Variants in KRT73 observed in about 807,000 individuals in gnomAD.
KRT73 encodes keratin 73.
A neutral mutation model predicts 47.2 loss-of-function variants in KRT73; 44 were observed. The ratio of observed to expected loss-of-function variants is 0.93; its 90% confidence interval spans 0.73 to 1.20. The LOEUF (loss-of-function observed/expected upper bound fraction) is 1.20. Among genes scored for constraint, KRT73 ranks in the 50% most tolerant of loss-of-function variants. The pLI, the probability that KRT73 is intolerant of heterozygous loss-of-function variation, is 0.00. For missense variants in KRT73, 713 were observed against 704.5 expected, an observed-to-expected ratio of 1.01 and a Z score of -0.14; for synonymous variants, 285 against 291.3, an observed-to-expected ratio of 0.98 and a Z score of 0.22.
the KRT73 span, among the ~76,000 whole-genome samples, chr12:52,629,501 G>A: frequency 5.9e-5 from 9 of 152,220 alleles, 1 homozygote; most frequent in African/African-American, 1.9e-4. Context: ...CGGACAAATA[G>A]TGACCTGCCC....
intron 2 of KRT73, among the ~76,000 whole-genome samples, chr12:52,615,778 G>C (rs137916156): frequency 6.6e-6 from 1 of 152,152 alleles, no homozygotes; most frequent in African/African-American, 2.4e-5. Context: ...GTCCAGGACC[G>C]AAAGGCAATG....
upstream of KRT73, among the ~76,000 whole-genome samples, chr12:52,622,226 T>C (rs187540659): frequency 3.2e-4 from 49 of 152,274 alleles, no homozygotes; most frequent in African/African-American, 1.0e-3. Flanking sequence ...ATAAACATGC[T>C]TAAATGAACA....
upstream of KRT73, among the ~76,000 whole-genome samples, chr12:52,619,642 G>A (rs1380633113): frequency 6.6e-6 from 1 of 152,144 alleles, no homozygotes; most frequent in African/African-American, 2.4e-5. Context: ...TTCTCTTGAG[G>A]GCTGACTCTC....
In KRT73 at chr12:52,615,278, CCTT is replaced by C. The variant is rs1266541952; in HGVS notation, c.721_723del (p.Lys241del). The C allele has an allele frequency of 1.2e-6, 2 of 1,613,568 alleles. No individual in the cohort carries two copies. The highest frequency in any genetic ancestry group is 1.7e-6 in the Non-Finnish European group (2 of 1,179,564). ...GAAGGGAACCCATGCACCCTCCTCACCTTCTTAAGCACCACAAATTCATTCTCA... is the reference window on the plus strand; with the variant it reads ...GAAGGGAACCCATGCACCCTCCTCACCTTAAGCACCACAAATTCATTCTCA... On this transcript the variant is annotated inframe_deletion and splice_region_variant, in exon 3 of 9. Transcript: ENST00000305748.
chr12:52,624,118 G>A, the KRT73 span, among the ~76,000 whole-genome samples: 1 of 151,924 alleles, frequency 6.6e-6, no homozygotes, highest in African/African-American at 2.4e-5. Flanking sequence ...ATCAGATAAA[G>A]TATACTTCAA....
intron 8 of KRT73, 83 bp downstream of exon 8, chr12:52,609,164 C>G (rs1182682972): frequency 8.9e-6 from 11 of 1,231,032 alleles, no homozygotes; most frequent in Non-Finnish European, 1.3e-5. Context: ...AGCTCTTCCT[C>G]AGGGGGCTGG....
At chr12:52,615,437 C>T (rs11170201) in intron 2 of KRT73, 98 bp from the exon 3 acceptor site, 1 of 941,522 alleles carries the variant, frequency 1.1e-6, no homozygotes, top group Admixed American at 1.9e-5. Context: ...TATTATATGC[C>T]TTTTAAGAGG....
the KRT73 span, among the ~76,000 whole-genome samples, chr12:52,628,753 T>C: frequency 1.3e-5 from 2 of 152,220 alleles, no homozygotes; most frequent in South Asian, 4.2e-4. Context: ...TGAGAGGGGC[T>C]TTCTTCTGGG....
intron 1 of KRT73, among the ~76,000 whole-genome samples, chr12:52,616,737 G>C (rs1940823369): frequency 6.6e-6 from 1 of 152,134 alleles, no homozygotes; most frequent in African/African-American, 2.4e-5. Context: ...ACACAAGCTG[G>C]CCTGTGCTAG....
At chr12:52,619,975 C>A (rs1940875484), upstream of KRT73, among the ~76,000 whole-genome samples, 2 of 152,206 alleles carry the variant, frequency 1.3e-5, no homozygotes, top group South Asian at 4.2e-4. Flanking sequence ...AACCTCCCCT[C>A]TGTTTTATAC....
At chr12:52,616,980 C>T (rs373384180) in intron 1 of KRT73, among the ~76,000 whole-genome samples, 1 of 152,194 alleles carries the variant, frequency 6.6e-6, no homozygotes, top group Non-Finnish European at 1.5e-5. Flanking sequence ...ATATCATTCC[C>T]TTGCTTAAAA....
At chr12:52,610,392 A>G (rs528961650) in intron 7 of KRT73, 2 of 560,930 alleles carry the variant, frequency 3.6e-6, no homozygotes, top group East Asian at 6.4e-5. Flanking sequence ...AGAGGTGTTA[A>G]AGACACAACA....
rs1328137957 is a variant in KRT73, at chr12:52,610,630, T to G, written c.1316A>C (p.Glu439Ala). 7.1e-7 allele frequency: 1 copy of G among 1,402,672 alleles called. No homozygotes were observed. Among genetic ancestry groups the G allele is most frequent in the African/African-American group, 1.6e-5 (1 of 63,790 alleles). 86.9% of individuals were successfully genotyped at this position (1,402,672 alleles called of 1,614,324 possible). A position where few individuals can be genotyped will look rare whatever the true frequency, so the allele number is the denominator to read the frequency against. Residue 439 changes from glutamate to alanine, a missense_variant, in exon 7 of 9, where the codon GAG (glutamate) becomes GCG (alanine). Physicochemically the swap from Glu to Ala is moderately radical, Grantham distance 107 (BLOSUM62 -1). Transcript: ENST00000305748. ...TCCCACCCACCTGCACTCCTCGCCC[T>G]CCAGCAGCTTGCGGTAGGTGGCGAT... ...IEIATYRKLL[E>A]GEECRMSGEY...
upstream of KRT73, among the ~76,000 whole-genome samples, chr12:52,619,696 C>A (rs1335552355): frequency 6.6e-6 from 1 of 152,186 alleles, no homozygotes; most frequent in Non-Finnish European, 1.5e-5. Context: ...ATTATGAAGA[C>A]CAAACCTAGC....
In KRT73 at chr12:52,618,391, C is replaced by T. The variant is rs142545038; in HGVS notation, c.134G>A (p.Ser45Asn). The change falls in exon 1 of 9, where the codon AGT becomes AAT. Residue 45 changes from serine (S) to asparagine (N), a missense_variant. Coordinates refer to ENST00000305748, the MANE Select transcript of KRT73 (RefSeq NM_175068.3). ...ACCCCCCAGGCTGTAAAGGCTCCGA[C>T]TGCTGAAGCCTCCACTGAGCCCTTT... ...GGKGLSGGFSSRSLYSLGGAR... is the reference protein window; with the variant it reads ...GGKGLSGGFSNRSLYSLGGAR... The T allele has an allele frequency of 9.9e-6, 16 of 1,614,184 alleles. No individual in the cohort carries two copies. Among genetic ancestry groups the T allele is most frequent in the Admixed American group, 3.3e-5 (2 of 60,038 alleles).
chr12:52,628,351 C>A, the KRT73 span, among the ~76,000 whole-genome samples: 2 of 151,932 alleles, frequency 1.3e-5, no homozygotes, highest in Admixed American at 6.6e-5. Context: ...GGGGTGGGGC[C>A]GGGCTGGCAC....
rs2120874188 is a variant in KRT73, at chr12:52,615,319, T to G, written c.683A>C (p.Lys228Thr). 6.2e-7 allele frequency: 1 copy of G among 1,614,078 alleles called. No homozygotes were observed. The highest frequency in any genetic ancestry group is 2.2e-5 in the East Asian group (1 of 44,884). The change falls in exon 3 of 9, where the codon AAG becomes ACG. Residue 228 changes from lysine to threonine, a missense_variant. Coordinates refer to ENST00000305748, the MANE Select transcript of KRT73 (RefSeq NM_175068.3). The part of the protein sequence containing the change: ...YKKRYEEEIN[K>T]RTTAENEFVV... ...AAATTCATTCTCAGCAGTTGTGCGC[T>G]TGTTTATTTCTTCTTCATACCTGCA...
intron 4 of KRT73, 128 bp from the exon 5 acceptor site, chr12:52,613,980 T>G: frequency 7.1e-7 from 1 of 1,408,292 alleles, no homozygotes; most frequent in South Asian, 1.4e-5. Context: ...TCCCAAAGCT[T>G]GTAAGAACAG....
In KRT73 at chr12:52,615,059, G is replaced by A. The variant is rs143202586; in HGVS notation, c.723+220C>T. Reference sequence around the variant, plus strand: ...CCCAGCCAGAGGGGACATGAGTTGGGACTGACTATCCACATCTAGGTTCCT... The same window carrying A: ...CCCAGCCAGAGGGGACATGAGTTGGAACTGACTATCCACATCTAGGTTCCT... On this transcript the variant is annotated intron_variant, in intron 3 of 8. Coordinates refer to ENST00000305748, the MANE Select transcript of KRT73 (RefSeq NM_175068.3). 4,094 of 540,568 alleles carry A rather than the reference G, an allele frequency of 7.6e-3. 28 individuals carry two copies. The highest frequency in any genetic ancestry group is 0.011 in the Non-Finnish European group (3,329 of 305,048). 33.5% of individuals were successfully genotyped at this position (540,568 alleles called of 1,614,324 possible).
Sources: gnomAD v4.1 joint callset for allele counts (sites outside exome capture counted in the v4.1 genomes callset) on GRCh38, gnomAD v4.1.1 for gene constraint, MANE v1.5 for transcripts, NCBI Gene and HGNC (gene_info 2026-07-23, HGNC 2026-07-21) for gene names.